The following CHM variants were observed in gnomAD, a reference collection of about 807,000 sequenced individuals.
CHM encodes CHM Rab escort protein.
Under a neutral mutation model 49.0 loss-of-function variants are expected in CHM, and 10 were observed. The ratio of observed to expected loss-of-function variants is 0.20; its 90% confidence interval spans 0.13 to 0.35. The LOEUF (loss-of-function observed/expected upper bound fraction) is 0.35, where lower values mean the gene tolerates loss of function less well. Ranked by LOEUF, CHM falls within the 10% of genes least tolerant of loss-of-function variation. The pLI, the probability that CHM is intolerant of heterozygous loss-of-function variation, is 1.00. For synonymous variants in CHM, 184 were observed against 167.5 expected, an observed-to-expected ratio of 1.10 and a Z score of -0.76; for missense variants, 455 against 478.4, an observed-to-expected ratio of 0.95 and a Z score of 0.46.
At chrX:85,883,669 C>T (rs907822569) in intron 12 of CHM, among the ~76,000 whole-genome samples, 35 of 110,595 alleles carry the variant, frequency 3.2e-4, no homozygotes, top group African/African-American at 1.1e-3. Flanking sequence ...GAAAAAGGCA[C>T]TGATAATTGT....
At chrX:85,996,257 T>C (rs1423048999) in intron 2 of CHM, among the ~76,000 whole-genome samples, 3 of 112,437 alleles carry the variant, frequency 2.7e-5, no homozygotes, top group African/African-American at 6.5e-5. Flanking sequence ...TGAGCATCTA[T>C]ACAAAGTATT....
At chrX:86,007,921 G>T (rs1399294620) in intron 2 of CHM, among the ~76,000 whole-genome samples, 1 of 112,073 alleles carries the variant, frequency 8.9e-6, no homozygotes, top group South Asian at 3.7e-4. Context: ...ATACCCAAAG[G>T]ATTATAAATC....
chrX:85,960,673 G>A (rs1468363379), intron 5 of CHM, among the ~76,000 whole-genome samples: 8 of 110,759 alleles, frequency 7.2e-5, no homozygotes, highest in Admixed American at 5.8e-4. Flanking sequence ...TGATCCGCCC[G>A]CTTCAGCCTC....
At chrX:85,967,532 C>A (rs751762690) in intron 4 of CHM, among the ~76,000 whole-genome samples, 2 of 111,355 alleles carry the variant, frequency 1.8e-5, no homozygotes, top group South Asian at 3.8e-4. Context: ...GCATTTAATA[C>A]CCCAATAAAA....
chrX:86,030,550 G>A (rs762732298), intron 1 of CHM, among the ~76,000 whole-genome samples: 4 of 111,638 alleles, frequency 3.6e-5, no homozygotes, highest in Non-Finnish European at 7.5e-5. Flanking sequence ...GTGAGAGGTT[G>A]CCATACGTTT....
intron 12 of CHM, among the ~76,000 whole-genome samples, chrX:85,882,225 T>C (rs1207164937): frequency 3.6e-5 from 4 of 112,041 alleles, no homozygotes; most frequent in African/African-American, 9.7e-5. Context: ...ATGTAGAACA[T>C]GCTATCACAT....
intron 8 of CHM, among the ~76,000 whole-genome samples, chrX:85,939,412 T>C (rs1478924642): frequency 8.9e-6 from 1 of 112,598 alleles, no homozygotes; most frequent in Non-Finnish European, 1.9e-5. Context: ...GAGATATTTC[T>C]TCCATATCAA....
At chrX:85,880,332 C>G (rs957002587) in intron 12 of CHM, among the ~76,000 whole-genome samples, 1 of 111,236 alleles carries the variant, frequency 9.0e-6, no homozygotes, top group Non-Finnish European at 1.9e-5. Context: ...TAACTTTTTT[C>G]AAATGCTGTA....
chrX:85,958,416 T>G (rs1393170862), intron 6 of CHM, among the ~76,000 whole-genome samples: 1 of 111,814 alleles, frequency 8.9e-6, no homozygotes, highest in Non-Finnish European at 1.9e-5. Flanking sequence ...AGCAAAGCTC[T>G]GCTCTTCTGG....
intron 9 of CHM, among the ~76,000 whole-genome samples, chrX:85,906,160 G>GA (rs749045793): frequency 3.6e-5 from 4 of 111,572 alleles, no homozygotes; most frequent in African/African-American, 6.5e-5. Flanking sequence ...GTAGAGACAG[G>GA]AAAAAAACGA....
chrX:86,040,846 A>C (rs1934428751), intron 1 of CHM, among the ~76,000 whole-genome samples: 1 of 112,309 alleles, frequency 8.9e-6, no homozygotes, highest in African/African-American at 3.2e-5. Flanking sequence ...CTTTCAATGT[A>C]TCCCTATTTT....
chrX:85,969,121 T>A, intron 4 of CHM: 2 of 689,763 alleles, frequency 2.9e-6, no homozygotes, highest in Non-Finnish European at 3.4e-6. Context: ...TCTTTATTTT[T>A]GGTATGAATA....
At chrX:85,957,420 G>A (rs1275175038) in intron 7 of CHM, among the ~76,000 whole-genome samples, 4 of 110,146 alleles carry the variant, frequency 3.6e-5, no homozygotes, top group East Asian at 2.8e-4. Flanking sequence ...AATAGTTCAA[G>A]ATTCTATGCA....
chrX:85,886,815 A>G (rs1035147725), intron 12 of CHM, among the ~76,000 whole-genome samples: 1 of 109,278 alleles, frequency 9.2e-6, no homozygotes, highest in Non-Finnish European at 1.9e-5. Context: ...AGCATTGAAA[A>G]AGGAGGAGAA....
chrX:85,907,057 G>C (rs777882254), intron 9 of CHM, among the ~76,000 whole-genome samples: 13 of 111,955 alleles, frequency 1.2e-4, no homozygotes, highest in Non-Finnish European at 2.3e-4. Flanking sequence ...TTGAACCTGG[G>C]AGGCAGAGGT....
At chrX:85,948,013 T>C (rs963532165) in intron 8 of CHM, among the ~76,000 whole-genome samples, 2 of 111,713 alleles carry the variant, frequency 1.8e-5, no homozygotes, top group Non-Finnish European at 3.8e-5. Flanking sequence ...ATCTAGAAGG[T>C]TGACAGTTAA....
intron 1 of CHM, among the ~76,000 whole-genome samples, chrX:86,038,842 T>G (rs1934343307): frequency 1.8e-5 from 2 of 112,243 alleles, no homozygotes; most frequent in Non-Finnish European, 3.8e-5. Context: ...ATCAGGATTT[T>G]AATGTCAACA....
chrX:85,906,856 G>A (rs1298308640), intron 9 of CHM, among the ~76,000 whole-genome samples: 4 of 112,187 alleles, frequency 3.6e-5, no homozygotes, highest in Non-Finnish European at 7.5e-5. Context: ...ATAGACAGCC[G>A]GACGTGGTGG....
chrX:85,967,904 T>C (rs2147683607), intron 4 of CHM, among the ~76,000 whole-genome samples: 1 of 111,394 alleles, frequency 9.0e-6, no homozygotes, highest in African/African-American at 3.3e-5. Context: ...TCAAAGTAAA[T>C]GTGTCTTATG....
Sources: allele counts gnomAD v4.1 joint callset (sites outside exome capture counted in the v4.1 genomes callset), GRCh38; gene constraint gnomAD v4.1.1; transcripts MANE v1.5; gene names NCBI Gene and HGNC (gene_info 2026-07-23, HGNC 2026-07-21).